VPS26A: variants seen among roughly 807,000 people sequenced by gnomAD.
VPS26A encodes vacuolar protein sorting-associated protein 26A.
In VPS26A, 22 loss-of-function variants were observed where a neutral mutation model predicts 42.4. The observed-to-expected ratio is 0.52, with a 90% confidence interval of 0.37 to 0.74. The LOEUF is 0.74. VPS26A is among the 30% of genes least tolerant of loss of function. The pLI, the probability that VPS26A is intolerant of heterozygous loss-of-function variation, is 0.00. For synonymous variants in VPS26A, 110 were observed against 123.5 expected, an observed-to-expected ratio of 0.89 and a Z score of 0.73; for missense variants, 276 against 379.2, an observed-to-expected ratio of 0.73 and a Z score of 2.26.
chr10:69,166,180 T>C (rs1035493894), intron 7 of VPS26A, 70 bp downstream of exon 7: 114 of 1,403,418 alleles, frequency 8.1e-5, no homozygotes, highest in Non-Finnish European at 1.1e-4. Context: ...TTGTTTGTAT[T>C]TATTTAGTGT....
At chr10:69,124,399 G>A in intron 1 of VPS26A, 119 bp downstream of exon 1, 2 of 1,134,220 alleles carry the variant, frequency 1.8e-6, no homozygotes, top group Middle Eastern at 3.5e-4. Context: ...GGCGGGGAGC[G>A]GGGTTAGGCC....
At chr10:69,149,500 T>C (rs1841242671) in intron 2 of VPS26A, among the ~76,000 whole-genome samples, 1 of 152,180 alleles carries the variant, frequency 6.6e-6, no homozygotes, top group Admixed American at 6.6e-5. Flanking sequence ...AAGTACATTA[T>C]TGGAACACAT....
Position 69,173,503 on chromosome 10 carries a change from T to G in VPS26A, c.*2234T>G, listed in dbSNP as rs553101803. Among the ~76,000 whole-genome samples, 10 of 152,170 alleles carry G rather than the reference T, an allele frequency of 6.6e-5. No individual in the cohort carries two copies. The highest frequency in any genetic ancestry group is 6.2e-4 in the South Asian group (3 of 4,822). On this transcript the variant is annotated 3_prime_UTR_variant, in exon 9 of 9. Coordinates refer to ENST00000263559, the MANE Select transcript of VPS26A (RefSeq NM_004896.5). ...TGGGCATGGTGGCATGCACCTGTAT[T>G]TCCAGCTATTTAGGAAGCTGAGACA...
At chr10:69,154,078 C>T (rs201814424) in intron 2 of VPS26A, among the ~76,000 whole-genome samples, 3 of 152,308 alleles carry the variant, frequency 2.0e-5, no homozygotes, top group South Asian at 4.1e-4. Context: ...GGTACTTGAA[C>T]GGAGCCCTGA....
At chr10:69,151,283 A>AAAAAAAAAAAAAAAAAAAAAC (rs59929053) in intron 2 of VPS26A, among the ~76,000 whole-genome samples, 2 of 122,172 alleles carry the variant, frequency 1.6e-5, no homozygotes, top group African/African-American at 7.0e-5. Flanking sequence ...AAAAAAAAAA[A>AAAAAAAAAAAAAAAAAAAAAC]CACACACACA....
chr10:69,155,910 T>A, intron 3 of VPS26A, 23 bp downstream of exon 3: 1 of 1,553,168 alleles, frequency 6.4e-7, no homozygotes, highest in Non-Finnish European at 8.8e-7. Context: ...ATAGTATTAT[T>A]TCTTTTTCTT....
At chr10:69,146,253 C>T (rs1253571915) in intron 2 of VPS26A, among the ~76,000 whole-genome samples, 1 of 152,068 alleles carries the variant, frequency 6.6e-6, no homozygotes, top group East Asian at 1.9e-4. Context: ...TGCCACCGCG[C>T]CCAGCTAATT....
intron 2 of VPS26A, among the ~76,000 whole-genome samples, chr10:69,142,729 C>T (rs1841071021): frequency 7.0e-6 from 1 of 142,452 alleles, no homozygotes; most frequent in Non-Finnish European, 1.6e-5. Flanking sequence ...AAGCTTTCCC[C>T]CCACTATTCA....
intron 8 of VPS26A, among the ~76,000 whole-genome samples, chr10:69,169,246 T>C (rs949922508): frequency 2.1e-4 from 32 of 150,750 alleles, no homozygotes; most frequent in Non-Finnish European, 7.4e-5. Context: ...AAATATACAT[T>C]ATTATTATTA....
At chr10:69,142,950 G>C (rs1304892670) in intron 2 of VPS26A, among the ~76,000 whole-genome samples, 1 of 152,114 alleles carries the variant, frequency 6.6e-6, no homozygotes, top group Non-Finnish European at 1.5e-5. Flanking sequence ...AGTAATTGTG[G>C]AAAATGAGAG....
chr10:69,124,472 G>A (rs983283587), intron 1 of VPS26A, among the ~76,000 whole-genome samples, 192 bp downstream of exon 1: 1 of 152,188 alleles, frequency 6.6e-6, no homozygotes, highest in African/African-American at 2.4e-5. Flanking sequence ...TCTCGGCGAG[G>A]CCCGAGCACC....
Position 69,150,870 on chromosome 10 carries a change from G to T in VPS26A, c.154-4942G>T, listed in dbSNP as rs78791742. Among the ~76,000 whole-genome samples, 18 of 152,248 alleles carry T rather than the reference G, an allele frequency of 1.2e-4. No individual in the cohort carries two copies. In the East Asian group the frequency reaches 3.3e-3, roughly 28 times the overall value. On this transcript the variant is annotated intron_variant, in intron 2 of 8. Transcript: ENST00000263559. ...AATATAAAACTTGTGCTGAATCTGG[G>T]TAAAGGTTATGTGAGATTTCCTTGT...
At chr10:69,132,275 A>C (rs531691767) in intron 1 of VPS26A, among the ~76,000 whole-genome samples, 1 of 152,264 alleles carries the variant, frequency 6.6e-6, no homozygotes, top group Admixed American at 6.5e-5. Flanking sequence ...GACATATGTT[A>C]ATATTTGATT....
chr10:69,124,628 C>T (rs1840609497), intron 1 of VPS26A, among the ~76,000 whole-genome samples: 2 of 152,226 alleles, frequency 1.3e-5, no homozygotes, highest in South Asian at 2.1e-4. Context: ...AGTCCCTGTT[C>T]TCCTCCCGGG....
At chr10:69,166,231 G>A in intron 7 of VPS26A, 121 bp downstream of exon 7, 2 of 857,440 alleles carry the variant, frequency 2.3e-6, no homozygotes, top group South Asian at 1.7e-5. Context: ...TACAATGATA[G>A]CTTTTAAGGT....
chr10:69,163,931 A>G (rs1470581740), intron 6 of VPS26A, among the ~76,000 whole-genome samples: 1 of 150,694 alleles, frequency 6.6e-6, no homozygotes, highest in Non-Finnish European at 1.5e-5. Context: ...ACGCCCGGCT[A>G]ATTTTTTTTG....
At chr10:69,140,928 T>C (rs1344579585) in intron 2 of VPS26A, among the ~76,000 whole-genome samples, 1 of 152,216 alleles carries the variant, frequency 6.6e-6, no homozygotes, top group Non-Finnish European at 1.5e-5. Context: ...ACAACCCTAG[T>C]ATCATGCAGG....
intron 2 of VPS26A, among the ~76,000 whole-genome samples, chr10:69,137,697 A>G (rs1407387818): frequency 3.3e-5 from 5 of 152,270 alleles, no homozygotes; most frequent in East Asian, 3.8e-4. Context: ...GTGGTATCCT[A>G]TCATATTCAC....
At chr10:69,159,391 AC>A (rs1184905431) in intron 5 of VPS26A, among the ~76,000 whole-genome samples, 2 of 151,646 alleles carry the variant, frequency 1.3e-5, no homozygotes, top group Non-Finnish European at 2.9e-5. Context: ...AAAAAAAAAA[AC>A]AAAAAAAAAA....
Sources: gnomAD v4.1 joint callset for allele counts (sites outside exome capture counted in the v4.1 genomes callset) on GRCh38, gnomAD v4.1.1 for gene constraint, MANE v1.5 for transcripts, NCBI Gene and HGNC (gene_info 2026-07-23, HGNC 2026-07-21) for gene names.